The following SPG21 variants were observed in gnomAD, a reference collection of about 807,000 sequenced individuals.
The protein encoded by SPG21 is SPG21 abhydrolase domain containing, maspardin.
SPG21 carries 26 observed loss-of-function variants against 38.9 expected under a neutral mutation model. The ratio of observed to expected loss-of-function variants is 0.67; its 90% confidence interval spans 0.49 to 0.93. The LOEUF (loss-of-function observed/expected upper bound fraction) is 0.93, where lower values mean the gene tolerates loss of function less well. Among genes scored for constraint, SPG21 ranks in the 40% least tolerant of loss-of-function variants. The pLI, the probability that SPG21 is intolerant of heterozygous loss-of-function variation, is 0.00. For synonymous variants in SPG21, 136 were observed against 128.9 expected, an observed-to-expected ratio of 1.05 and a Z score of -0.37; for missense variants, 333 against 376.5, an observed-to-expected ratio of 0.88 and a Z score of 0.96.
intron 1 of SPG21, among the ~76,000 whole-genome samples, chr15:64,985,351 G>A (rs1431162840): frequency 6.6e-6 from 1 of 152,164 alleles, no homozygotes; most frequent in Non-Finnish European, 1.5e-5. Flanking sequence ...CACACAGCAG[G>A]CATTATCTGT....
chr15:64,966,898 CAAAA>C, intron 7 of SPG21, among the ~76,000 whole-genome samples: 1 of 13,922 alleles, frequency 7.2e-5, no homozygotes. Flanking sequence ...GACTTTGTCT[CAAAA>C]AAACAAAAAC....
chr15:64,973,522 G>A (rs1025905584), intron 5 of SPG21, among the ~76,000 whole-genome samples: 1 of 151,930 alleles, frequency 6.6e-6, no homozygotes, highest in Non-Finnish European at 1.5e-5. Flanking sequence ...CGTGATCTCG[G>A]CTCACCACAA....
chr15:64,989,271 T>G (rs2086066009), intron 1 of SPG21: 1 of 151,748 alleles, frequency 6.6e-6, no homozygotes, highest in Non-Finnish European at 1.5e-5. Context: ...TCTTAAAAGT[T>G]TGCTGAGAAA....
rs754382187 is a variant in SPG21, at chr15:64,981,064, T to C, written c.64-39A>G. ...TAAAAGAAAAAAGTGGAAAACCTTA[T>C]AAATTTGCTTTTTATGTTATTTTAC... On this transcript the variant is annotated intron_variant, in intron 2 of 8. Transcript: ENST00000204566. 3 of 1,613,026 alleles carry C rather than the reference T, an allele frequency of 1.9e-6. No homozygotes were observed. In the African/African-American group the frequency reaches 4.0e-5, roughly 22 times the overall value.
intron 5 of SPG21, among the ~76,000 whole-genome samples, chr15:64,973,733 G>GCCACCGCACC (rs1444537707): frequency 6.6e-6 from 1 of 152,202 alleles, no homozygotes; most frequent in Non-Finnish European, 1.5e-5. Context: ...ACAGGTGTGA[G>GCCACCGCACC]CCACCGCACC....
chr15:64,989,879 C>T lies in SPG21; in HGVS notation c.-239G>A, dbSNP rs527388179. 2 of 152,158 alleles carry T rather than the reference C, an allele frequency of 1.3e-5. No homozygotes were observed. Among genetic ancestry groups the T allele is most frequent in the Admixed American group, 6.5e-5 (1 of 15,294 alleles). 9.4% of individuals were successfully genotyped at this position (152,158 alleles called of 1,614,324 possible). A position where few individuals can be genotyped will look rare whatever the true frequency, so the allele number is the denominator to read the frequency against. ...AGCGAGCTTGGGCCGCCGCGCTCCC[C>T]CCGCCCGACCGCCGCTCAGCTGGCG... On this transcript the variant is annotated 5_prime_UTR_variant, in exon 1 of 9. Coordinates refer to ENST00000204566, the MANE Select transcript of SPG21 (RefSeq NM_016630.7).
intron 5 of SPG21, among the ~76,000 whole-genome samples, chr15:64,970,756 T>C (rs2085645479): frequency 6.6e-6 from 1 of 152,216 alleles, no homozygotes; most frequent in Admixed American, 6.5e-5. Context: ...TATTATTTTT[T>C]GAGACAGAGT....
rs146210029 is a variant in SPG21, at chr15:64,969,424, T to C, written c.562-62A>G. ...TTTTGTTTTTCACATTTACATTAAA[T>C]CCACAGACAACATTTGTGCTTATAA... On this transcript the variant is annotated intron_variant, in intron 6 of 8. Transcript: ENST00000204566. 1,904 of 1,166,384 alleles carry C rather than the reference T, an allele frequency of 1.6e-3. 3 individuals carry two copies. The highest frequency in any genetic ancestry group is 2.2e-3 in the Admixed American group (128 of 59,418). The allele number at this position is 1,166,384 out of a possible 1,614,324, so 72.3% of individuals were successfully genotyped here.
intron 1 of SPG21, among the ~76,000 whole-genome samples, chr15:64,986,411 C>T (rs1474886181): frequency 6.6e-6 from 1 of 150,800 alleles, no homozygotes; most frequent in Non-Finnish European, 1.5e-5. Context: ...TTTTGCCAGG[C>T]GCGGCGGCTC....
chr15:64,969,213 T>G, intron 7 of SPG21, 42 bp downstream of exon 7: 1 of 1,326,892 alleles, frequency 7.5e-7, no homozygotes, highest in Non-Finnish European at 1.1e-6. Flanking sequence ...ACATACACAT[T>G]TTAAAAAGTA....
At chr15:64,979,671 G>A (rs1038492394) in intron 3 of SPG21, among the ~76,000 whole-genome samples, 1 of 152,036 alleles carries the variant, frequency 6.6e-6, no homozygotes, top group Admixed American at 6.6e-5. Flanking sequence ...TCCAAAAGGA[G>A]AGACGTGACC....
chr15:64,979,268 C>T (rs1158468073), intron 3 of SPG21, among the ~76,000 whole-genome samples: 1 of 152,186 alleles, frequency 6.6e-6, no homozygotes, highest in African/African-American at 2.4e-5. Flanking sequence ...CTGGACAGCA[C>T]TCCCGAGTGG....
chr15:64,976,535 C>T lies in SPG21; in HGVS notation c.246G>A (p.Trp82Ter). 6.2e-7 allele frequency: 1 copy of T among 1,612,306 alleles called. No individual in the cohort carries two copies. The highest frequency in any genetic ancestry group is 8.5e-7 in the Non-Finnish European group (1 of 1,178,688). Residue 82 changes from tryptophan to a stop codon, truncating the protein, a stop_gained, in exon 4 of 9, where the codon TGG becomes TGA. Transcript: ENST00000204566. LOFTEE classifies it high-confidence loss of function. ...RVIALQYPVY[W>*]DHLEFCDGFR... Reference sequence around the variant, plus strand: ...ATCCATCACAGAACTCGAGATGGTCCCAATAAACTGGATACTGCAACTGAA... The same window carrying T: ...ATCCATCACAGAACTCGAGATGGTCTCAATAAACTGGATACTGCAACTGAA...
At chr15:64,976,142 G>C (rs955767290) in intron 4 of SPG21, among the ~76,000 whole-genome samples, 1 of 152,062 alleles carries the variant, frequency 6.6e-6, no homozygotes, top group Admixed American at 6.6e-5. Context: ...AAATAAAAGA[G>C]GGCTCGGCAC....
chr15:64,970,154 T>A lies in SPG21; in HGVS notation c.521A>T (p.Asp174Val), dbSNP rs766729001. 4 of 1,614,130 alleles carry A rather than the reference T, an allele frequency of 2.5e-6. 1 individual carries two copies. In the South Asian group the frequency reaches 4.4e-5, roughly 18 times the overall value. The change falls in exon 6 of 9, where the codon GAC (aspartate) becomes GTC (valine). Residue 174 changes from aspartate (D) to valine (V), a missense_variant. Asp to Val is a radical substitution (Grantham distance 152). Coordinates refer to ENST00000204566, the MANE Select transcript of SPG21 (RefSeq NM_016630.7). ...ATCAATGGCATCAGCCATCATAGGGTCCACCGGGCCAGATGAAAAATTTCC... is the reference window on the plus strand; with the variant it reads ...ATCAATGGCATCAGCCATCATAGGGACCACCGGGCCAGATGAAAAATTTCC... The part of the protein sequence containing the change: ...VLGNFSSGPV[D>V]PMMADAIDFM...
At chr15:64,986,719 A>G (rs756833460) in intron 1 of SPG21, among the ~76,000 whole-genome samples, 9 of 150,402 alleles carry the variant, frequency 6.0e-5, no homozygotes, top group Non-Finnish European at 1.3e-4. Context: ...ACAAAAAACA[A>G]AAAAACAAAA....
chr15:64,970,384 G>A (rs1442279079), intron 5 of SPG21, among the ~76,000 whole-genome samples, 162 bp from the exon 6 acceptor site: 1 of 152,124 alleles, frequency 6.6e-6, no homozygotes, highest in Non-Finnish European at 1.5e-5. Context: ...ACTTTCCCAA[G>A]CTTCCAAAGA....
At chr15:64,986,722 A>G (rs867129375) in intron 1 of SPG21, among the ~76,000 whole-genome samples, 1 of 149,570 alleles carries the variant, frequency 6.7e-6, no homozygotes, top group Non-Finnish European at 1.5e-5. Flanking sequence ...AAAAACAAAA[A>G]AACAAAAAAC....
At chr15:64,978,019 G>C (rs993811816) in intron 3 of SPG21, among the ~76,000 whole-genome samples, 3 of 151,486 alleles carry the variant, frequency 2.0e-5, no homozygotes, top group Non-Finnish European at 2.9e-5. Context: ...TTTTAGTAGA[G>C]ACGGGGTTTC....
Sources: gnomAD v4.1 joint callset for allele counts (sites outside exome capture counted in the v4.1 genomes callset) on GRCh38, gnomAD v4.1.1 for gene constraint, MANE v1.5 for transcripts, NCBI Gene and HGNC (gene_info 2026-07-23, HGNC 2026-07-21) for gene names.